RETREG2: variants seen among roughly 807,000 people sequenced by gnomAD.
The protein encoded by RETREG2 is reticulophagy regulator 2.
A neutral mutation model predicts 51.6 loss-of-function variants in RETREG2; 21 were observed. The ratio of observed to expected loss-of-function variants is 0.41; its 90% CI spans 0.29 to 0.59. RETREG2 has a LOEUF of 0.59. Ranked by LOEUF, RETREG2 falls within the 20% of genes least tolerant of loss-of-function variation. RETREG2 has a pLI of 0.34. For synonymous variants in RETREG2, 339 were observed against 288.6 expected (o/e 1.17, Z -1.77); for missense variants, 674 against 646.0 (o/e 1.04, Z -0.47).
At position 219,180,679 on chromosome 2, in the gene RETREG2, C is replaced by G; in HGVS notation, c.565C>G (p.Arg189Gly). 6.2e-7 allele frequency: 1 copy of G among 1,613,814 alleles called. No homozygotes were observed. The highest frequency in any genetic ancestry group is 8.5e-7 in the Non-Finnish European group (1 of 1,179,690). The change falls in exon 5 of 9, where the codon CGA (arginine) becomes GGA (glycine). Residue 189 changes from arginine (R) to glycine (G), a missense_variant. Arg to Gly is a moderately radical substitution (Grantham distance 125). Transcript: ENST00000430297. ...TTGCTCTTCTCTGCAGTTCTGCGTT[C>G]GAGTCTGCTCTGGCTGTGCTGTGTT... ...KRQNPAQFCV[R>G]VCSGCAVLAV...
Position 219,182,383 on chromosome 2 carries a change from C to T in RETREG2, c.1386C>T (p.Pro462=), listed in dbSNP as rs973507430. 1.2e-6 allele frequency: 2 copies of T among 1,613,976 alleles called. No individual in the cohort carries two copies. Among genetic ancestry groups the T allele is most frequent in the Middle Eastern group, 1.6e-4 (1 of 6,084 alleles). The stretch of plus-strand genomic sequence containing the variant: ...GCCTTGTTGGAAGTGACCCAGCCCC[C>T]TCCCCTTCCATTCTCCCACCTGTTC... ...PLCLVGSDPA[P]SPSILPPVPQ... Residue 462 remains proline, a synonymous_variant, in exon 9 of 9, where the codon CCC becomes CCT. Transcript: ENST00000430297.
Position 219,181,114 on chromosome 2 carries a change from G to A in RETREG2, c.693G>A (p.Arg231=). The change falls in exon 6 of 9, where the codon AGG becomes AGA. Residue 231 remains arginine (R), a synonymous_variant. Transcript: ENST00000430297. The part of the protein sequence containing the change: ...PLVVYHELIQ[R]MYTRLEPLLM... ...TGGTTTATCATGAGCTGATCCAGAG[G>A]ATGTACACTCGCCTGGAGCCCCTGC... 4 of 1,614,172 alleles carry A rather than the reference G, an allele frequency of 2.5e-6. No individual in the cohort carries two copies. The South Asian group carries it at 4.4e-5, about 18-fold the overall frequency.
rs1950272388 is a variant in RETREG2, at chr2:219,181,135, C to T, written c.714C>T (p.Pro238=). ...LIQRMYTRLE[P]LLMQLDYSMK... ...AGAGGATGTACACTCGCCTGGAGCC[C>T]CTGCTCATGCAGCTGGACTACAGCA... Residue 238 remains proline, a synonymous_variant, in exon 6 of 9, where the codon CCC becomes CCT. Coordinates refer to ENST00000430297, the MANE Select transcript of RETREG2 (RefSeq NM_024293.6). 1.2e-6 allele frequency: 2 copies of T among 1,613,970 alleles called. No homozygotes were observed. The highest frequency in any genetic ancestry group is 1.7e-6 in the Non-Finnish European group (2 of 1,180,028).
In RETREG2 at chr2:219,182,095, C is replaced by T. The variant is rs1950287820; in HGVS notation, c.1098C>T (p.Ala366=). 1.2e-6 allele frequency: 2 copies of T among 1,614,088 alleles called. No homozygotes were observed. Among genetic ancestry groups the T allele is most frequent in the Admixed American group, 1.7e-5 (1 of 60,018 alleles). ...DLGEGEEGEL[A]PPEDLLGRPQ... Reference sequence around the variant, plus strand: ...GGGAGGGAGAGGAGGGAGAGCTGGCCCCTCCCGAAGACCTACTAGGCCGTC... The same window carrying T: ...GGGAGGGAGAGGAGGGAGAGCTGGCTCCTCCCGAAGACCTACTAGGCCGTC... Residue 366 remains alanine (A), a synonymous_variant, in exon 9 of 9, where the codon GCC becomes GCT. Transcript: ENST00000430297.
At position 219,182,001 on chromosome 2, in the gene RETREG2, T is replaced by A. The variant is rs766520262; in HGVS notation, c.1016-12T>A. On this transcript the variant is annotated splice_polypyrimidine_tract_variant and intron_variant, in intron 8 of 8. Transcript: ENST00000430297. ...CAGCAGGCCCATTCTTAATTCTTTG[T>A]TCTCTGCACAGATTTGGACCAGCAG... 1.2e-6 allele frequency: 2 copies of A among 1,610,056 alleles called. No homozygotes were observed. The highest frequency in any genetic ancestry group is 8.5e-7 in the Non-Finnish European group (1 of 1,176,978).
Position 219,181,414 on chromosome 2 carries a change from C to A in RETREG2, c.830C>A (p.Ala277Glu), listed in dbSNP as rs917134211. 6.2e-7 allele frequency: 1 copy of A among 1,613,958 alleles called. No homozygotes were observed. The change falls in exon 7 of 9, where the codon GCA becomes GAA. Residue 277 changes from alanine (A) to glutamate (E), a missense_variant. Coordinates refer to ENST00000430297, the MANE Select transcript of RETREG2 (RefSeq NM_024293.6). ...CCCCCAGGAGGTGATGAGCCACTGGCAGAGACAGAGAGTGAAAGCGAGGCA... is the reference window on the plus strand; with the variant it reads ...CCCCCAGGAGGTGATGAGCCACTGGAAGAGACAGAGAGTGAAAGCGAGGCA... Reference protein sequence around the residue: ...NAPPGGDEPLAETESESEAEL... With the variant: ...NAPPGGDEPLEETESESEAEL...
intron 7 of RETREG2, 69 bp from the exon 8 acceptor site, chr2:219,181,571 G>C: frequency 6.2e-7 from 1 of 1,602,192 alleles, no homozygotes; most frequent in Non-Finnish European, 8.5e-7. Context: ...TTTTGGGAGA[G>C]GGGATGCTCC....
Position 219,182,083 on chromosome 2 carries a change from G to C in RETREG2, c.1086G>C (p.Glu362Asp). Residue 362 changes from glutamate to aspartate, a missense_variant, in exon 9 of 9, where the codon GAG becomes GAC. Physicochemically the swap from Glu to Asp is conservative, Grantham distance 45 (BLOSUM62 2). Coordinates refer to ENST00000430297, the MANE Select transcript of RETREG2 (RefSeq NM_024293.6). Reference protein sequence around the residue: ...TLSRDLGEGEEGELAPPEDLL... With the variant: ...TLSRDLGEGEDGELAPPEDLL... ...GCCGGGACCTAGGGGAGGGAGAGGA[G>C]GGAGAGCTGGCCCCTCCCGAAGACC... The C allele has an allele frequency of 1.2e-6, 2 of 1,614,136 alleles. No homozygotes were observed. The highest frequency in any genetic ancestry group is 8.5e-7 in the Non-Finnish European group (1 of 1,180,006).
chr2:219,180,795 TTTC>T, intron 5 of RETREG2, 41 bp downstream of exon 5: 1 of 1,607,674 alleles, frequency 6.2e-7, no homozygotes, highest in South Asian at 1.1e-5. Context: ...AGCCCTCTCC[TTTC>T]TTCTTTCCTT....
rs749088433 is a variant in RETREG2, at chr2:219,182,307, C to G, written c.1310C>G (p.Thr437Arg). Reference sequence around the variant, plus strand: ...CCAGTGGAGACACTGAGCCCCGAGACAGTGAGTGGTGGCCTCACTGCTCTG... The same window carrying G: ...CCAGTGGAGACACTGAGCCCCGAGAGAGTGAGTGGTGGCCTCACTGCTCTG... ...GGPVETLSPE[T>R]VSGGLTALPG... The change falls in exon 9 of 9, where the codon ACA (threonine) becomes AGA (arginine). Residue 437 changes from threonine to arginine, a missense_variant. Physicochemically the swap from Thr to Arg is moderately conservative, Grantham distance 71. Transcript: ENST00000430297. 6.2e-7 allele frequency: 1 copy of G among 1,614,128 alleles called. No individual in the cohort carries two copies. Among genetic ancestry groups the G allele is most frequent in the East Asian group, 2.2e-5 (1 of 44,888 alleles).
At chr2:219,179,094 G>A in intron 2 of RETREG2, 66 bp downstream of exon 2, 1 of 1,234,800 alleles carries the variant, frequency 8.1e-7, no homozygotes, top group Non-Finnish European at 1.2e-6. Flanking sequence ...CCGCTGGGTG[G>A]GGTTAAGTGG....
rs1354432378 is a variant in RETREG2, at chr2:219,180,149, T to C, written c.459T>C (p.Ser153=). 1.9e-6 allele frequency: 3 copies of C among 1,614,142 alleles called. No homozygotes were observed. Among genetic ancestry groups the C allele is most frequent in the Middle Eastern group, 1.7e-4 (1 of 6,056 alleles). ...CAGGCGCCCGGCCGCACCTGCTGAG[T>C]GTGCCCGAGTTGTGCAGATACCTGG... ...AGSGARPHLL[S]VPELCRYLAE... is the part of the protein sequence containing the mutation. The change falls in exon 4 of 9, where the codon AGT becomes AGC. Residue 153 remains serine (S), a synonymous_variant. Transcript: ENST00000430297.
In RETREG2 at chr2:219,184,329, G is replaced by A. The variant is rs1950320985; in HGVS notation, c.*1700G>A. ...CCTCCTTTATGAGTTCATGTCCTCCGCCTTCAGCTGGAGGTACCATATGGC... is the reference window on the plus strand; with the variant it reads ...CCTCCTTTATGAGTTCATGTCCTCCACCTTCAGCTGGAGGTACCATATGGC... On this transcript the variant is annotated 3_prime_UTR_variant, in exon 9 of 9. Coordinates refer to ENST00000430297, the MANE Select transcript of RETREG2 (RefSeq NM_024293.6). 1.3e-5 allele frequency: 2 copies of A among 152,264 alleles called. No homozygotes were observed. The highest frequency in any genetic ancestry group is 2.1e-4 in the South Asian group (1 of 4,816). 9.4% of individuals were successfully genotyped at this position (152,264 alleles called of 1,614,324 possible). A position where few individuals can be genotyped will look rare whatever the true frequency, so the allele number is the denominator to read the frequency against.
rs756443295 is a variant in RETREG2, at chr2:219,182,210, C to G, written c.1213C>G (p.Leu405Val). 1 of 1,614,182 alleles carries G rather than the reference C, an allele frequency of 6.2e-7. No individual in the cohort carries two copies. The highest frequency in any genetic ancestry group is 8.5e-7 in the Non-Finnish European group (1 of 1,180,022). The stretch of plus-strand genomic sequence containing the variant: ...AACCTTGTTGCGGCTCTCATCCCCC[C>G]TCCACTTTGTGAACACGCACTTCAA... ...KETLLRLSSP[L>V]HFVNTHFNGA... is the part of the protein sequence containing the mutation. Residue 405 changes from leucine (L) to valine (V), a missense_variant, in exon 9 of 9, where the codon CTC becomes GTC. Physicochemically the swap from Leu to Val is conservative, Grantham distance 32 (BLOSUM62 1). Coordinates refer to ENST00000430297, the MANE Select transcript of RETREG2 (RefSeq NM_024293.6).
rs577605341 is a variant in RETREG2, at chr2:219,182,566, G to C, written c.1569G>C (p.Leu523=). Residue 523 remains leucine, a synonymous_variant, in exon 9 of 9, where the codon CTG becomes CTC. Coordinates refer to ENST00000430297, the MANE Select transcript of RETREG2 (RefSeq NM_024293.6). ...TPPKPPDAPP[L]GPDIHSLVQS... is the part of the protein sequence containing the mutation. ...CAAAACCCCCTGATGCTCCACCCCT[G>C]GGGCCCGACATCCATTCTCTGGTAC... is the stretch of plus-strand genomic sequence containing the variant. 1.9e-6 allele frequency: 3 copies of C among 1,614,180 alleles called. No individual in the cohort carries two copies. The South Asian group carries it at 3.3e-5, about 18-fold the overall frequency.
Position 219,182,683 on chromosome 2 carries a change from G to T in RETREG2, c.*54G>T. On this transcript the variant is annotated 3_prime_UTR_variant, in exon 9 of 9. Transcript: ENST00000430297. Reference sequence around the variant, plus strand: ...ACAGTAGGGCTTCCTGGCTAGGAGTGTTGCTGTTTCCTCCTTTGCCTACCA... The same window carrying T: ...ACAGTAGGGCTTCCTGGCTAGGAGTTTTGCTGTTTCCTCCTTTGCCTACCA... The T allele has an allele frequency of 6.3e-7, 1 of 1,585,932 alleles. No homozygotes were observed. The highest frequency in any genetic ancestry group is 8.6e-7 in the Non-Finnish European group (1 of 1,164,372).
In RETREG2 at chr2:219,180,110, T is replaced by C. The variant is rs143788019; in HGVS notation, c.420T>C (p.Ser140=). The change falls in exon 4 of 9, where the codon AGT becomes AGC. Residue 140 remains serine (S), a splice_region_variant and synonymous_variant. Coordinates refer to ENST00000430297, the MANE Select transcript of RETREG2 (RefSeq NM_024293.6). ...ASSPEEPHSD[S]EGAGSGARPH... ...CAGGGGTCATGTCATGTCTCCCCAG[T>C]GAGGGTGCGGGGTCAGGCGCCCGGC... 1.9e-6 allele frequency: 3 copies of C among 1,613,968 alleles called. No individual in the cohort carries two copies. The highest frequency in any genetic ancestry group is 1.3e-5 in the African/African-American group (1 of 75,030).
rs1186353928 is a variant in RETREG2 at position 219,183,880 on chromosome 2, AAACAAGC to A, written c.*1254_*1260del. Reference sequence around the variant, plus strand: ...TGGATTTATCTTTACTGGGGAAGCCAAACAAGCAATAGAGGACCTTTACCTGTGTTAG... The same window carrying A: ...TGGATTTATCTTTACTGGGGAAGCCAAATAGAGGACCTTTACCTGTGTTAG... On this transcript the variant is annotated 3_prime_UTR_variant, in exon 9 of 9. Coordinates refer to ENST00000430297, the MANE Select transcript of RETREG2 (RefSeq NM_024293.6). 2 of 152,230 alleles carry A rather than the reference AAACAAGC, an allele frequency of 1.3e-5. No individual in the cohort carries two copies. Among genetic ancestry groups the A allele is most frequent in the Admixed American group, 6.5e-5 (1 of 15,282 alleles). 9.4% of individuals were successfully genotyped at this position (152,230 alleles called of 1,614,324 possible). A position where few individuals can be genotyped will look rare whatever the true frequency, so the allele number is the denominator to read the frequency against.
intron 4 of RETREG2, 142 bp from the exon 5 acceptor site, chr2:219,180,528 G>C (rs1179270074): frequency 1.4e-6 from 2 of 1,426,628 alleles, no homozygotes; most frequent in Non-Finnish European, 1.9e-6. Context: ...TGGTGGTCTT[G>C]AGCATCCTCT....
Sources: gnomAD v4.1 joint callset for allele counts on GRCh38, gnomAD v4.1.1 for gene constraint, MANE v1.5 for transcripts, NCBI Gene and HGNC (gene_info 2026-07-23, HGNC 2026-07-21) for gene names.